The following SEMA3E variants were observed in gnomAD, a reference collection of about 807,000 sequenced individuals.
SEMA3E encodes the protein semaphorin 3E.
A neutral mutation model predicts 93.6 loss-of-function variants in SEMA3E; 49 were observed. The observed-to-expected ratio is 0.52, with a 90% confidence interval of 0.42 to 0.66. SEMA3E has a LOEUF of 0.66. Among genes scored for constraint, SEMA3E ranks in the 30% least tolerant of loss-of-function variants. The pLI, the probability that SEMA3E is intolerant of heterozygous loss-of-function variation, is 0.00. For missense variants in SEMA3E, 906 were observed against 964.8 expected, an observed-to-expected ratio of 0.94 and a Z score of 0.81; for synonymous variants, 363 against 330.7, an observed-to-expected ratio of 1.10 and a Z score of -1.06.
rs763045418 is a variant in SEMA3E at position 83,405,491 on chromosome 7, A to T, written c.957T>A (p.Asp319Glu). ...LEDVFLLPTRDHKNPVIFGLF... is the reference protein window; with the variant it reads ...LEDVFLLPTREHKNPVIFGLF... Reference sequence around the variant, plus strand: ...GTCCAAATATCACTGGATTCTTATGATCTCTGGTAGGTAGCAAAAAAACGT... The same window carrying T: ...GTCCAAATATCACTGGATTCTTATGTTCTCTGGTAGGTAGCAAAAAAACGT... Residue 319 changes from aspartate (D) to glutamate (E), a missense_variant, in exon 9 of 17, where the codon GAT becomes GAA. Coordinates refer to ENST00000643230, the MANE Select transcript of SEMA3E (RefSeq NM_012431.3). 12 of 1,613,048 alleles carry T rather than the reference A, an allele frequency of 7.4e-6. No homozygotes were observed. The East Asian group carries it at 2.7e-4, about 36-fold the overall frequency.
chr7:83,405,516 TC>T lies in SEMA3E; in HGVS notation c.931del (p.Asp311ThrfsTer14). ...ATCTCTGGTAGGTAGCAAAAAAACG[TC>T]CTCTGAAAAATTAAAGGCCATTCCA... ...GIDTYFDELEDVFLLPTRDHK... is the reference protein window; with the variant it reads ...GIDTYFDELEXVFLLPTRDHK... On this transcript the variant is annotated frameshift_variant and splice_region_variant, in exon 9 of 17. Transcript: ENST00000643230. LOFTEE classifies it high-confidence loss of function. The T allele has an allele frequency of 6.2e-7, 1 of 1,612,844 alleles. No homozygotes were observed. Among genetic ancestry groups the T allele is most frequent in the Non-Finnish European group, 8.5e-7 (1 of 1,179,202 alleles).
At chr7:83,384,371 G>C (rs1787839652) in intron 16 of SEMA3E, among the ~76,000 whole-genome samples, 1 of 151,992 alleles carries the variant, frequency 6.6e-6, no homozygotes, top group Non-Finnish European at 1.5e-5. Flanking sequence ...CCTCTTCTCT[G>C]TAATAGAGAC....
intron 1 of SEMA3E, among the ~76,000 whole-genome samples, chr7:83,598,137 A>G (rs1447848875): frequency 6.6e-6 from 1 of 152,140 alleles, no homozygotes; most frequent in Non-Finnish European, 1.5e-5. Flanking sequence ...GAGTTGTGGT[A>G]GTTGGCTCCA....
At chr7:83,577,904 T>C (rs1464897922) in intron 1 of SEMA3E, among the ~76,000 whole-genome samples, 1 of 152,130 alleles carries the variant, frequency 6.6e-6, no homozygotes, top group African/African-American at 2.4e-5. Flanking sequence ...AAAAATGTCT[T>C]CATTTACAAT....
At chr7:83,512,334 C>T (rs2115652903) in intron 1 of SEMA3E, among the ~76,000 whole-genome samples, 1 of 152,286 alleles carries the variant, frequency 6.6e-6, no homozygotes, top group East Asian at 1.9e-4. Context: ...AGCAACCCCA[C>T]GTAAGCTGTA....
intron 16 of SEMA3E, among the ~76,000 whole-genome samples, chr7:83,378,505 G>C (rs1010387397): frequency 2.8e-4 from 42 of 151,654 alleles, no homozygotes; most frequent in African/African-American, 9.9e-4. Flanking sequence ...TTTGTCATTC[G>C]AATATTTTGG....
At chr7:83,390,457 C>T (rs1787997110) in intron 14 of SEMA3E, among the ~76,000 whole-genome samples, 2 of 151,926 alleles carry the variant, frequency 1.3e-5, no homozygotes, top group African/African-American at 2.4e-5. Flanking sequence ...GCATTATAAA[C>T]CATAGTGTAT....
At chr7:83,400,542 C>T (rs1441333203) in intron 10 of SEMA3E, among the ~76,000 whole-genome samples, 4 of 152,128 alleles carry the variant, frequency 2.6e-5, no homozygotes, top group East Asian at 1.9e-4. Flanking sequence ...TCCCTCCTCC[C>T]ACCCTCTGAC....
intron 1 of SEMA3E, among the ~76,000 whole-genome samples, chr7:83,556,202 G>T (rs908684000): frequency 6.6e-6 from 1 of 152,096 alleles, no homozygotes; most frequent in Non-Finnish European, 1.5e-5. Context: ...TCCCTCCACT[G>T]CCTGCACTTA....
chr7:83,552,046 C>T (rs1351229022), intron 1 of SEMA3E, among the ~76,000 whole-genome samples: 2 of 152,116 alleles, frequency 1.3e-5, no homozygotes, highest in East Asian at 3.9e-4. Context: ...ATACCATGCA[C>T]TTTTAATGCC....
chr7:83,506,077 T>C (rs1790700520), intron 1 of SEMA3E, among the ~76,000 whole-genome samples: 1 of 149,062 alleles, frequency 6.7e-6, no homozygotes, highest in Non-Finnish European at 1.5e-5. Flanking sequence ...TGTGAAGCTG[T>C]CAGAAAAAAA....
At chr7:83,450,325 A>G (rs1218004388) in intron 4 of SEMA3E, among the ~76,000 whole-genome samples, 2 of 152,238 alleles carry the variant, frequency 1.3e-5, no homozygotes, top group Non-Finnish European at 2.9e-5. Context: ...AAGAATGCTC[A>G]TAGCAGCACA....
At chr7:83,547,536 A>T (rs990934234) in intron 1 of SEMA3E, among the ~76,000 whole-genome samples, 6 of 152,146 alleles carry the variant, frequency 3.9e-5, no homozygotes, top group African/African-American at 1.4e-4. Context: ...TAAATAAGGA[A>T]GGTAACTCGT....
At chr7:83,645,656 A>C (rs554749426) in intron 1 of SEMA3E, among the ~76,000 whole-genome samples, 1 of 151,796 alleles carries the variant, frequency 6.6e-6, no homozygotes, top group Non-Finnish European at 1.5e-5. Context: ...ATTGGGGCAC[A>C]AGGCAGTAGG....
chr7:83,418,025 A>G (rs187522810), intron 5 of SEMA3E, among the ~76,000 whole-genome samples: 334 of 152,328 alleles, frequency 2.2e-3, no homozygotes, highest in African/African-American at 7.3e-3. Flanking sequence ...AAGTCACAAA[A>G]TAATTGAAAC....
At chr7:83,426,460 T>A (rs1788770962) in intron 4 of SEMA3E, among the ~76,000 whole-genome samples, 1 of 152,142 alleles carries the variant, frequency 6.6e-6, no homozygotes, top group Admixed American at 6.5e-5. Context: ...CTAAGCAAAT[T>A]AATGTAAGAA....
rs1366526122 is a variant in SEMA3E at position 83,366,686 on chromosome 7, C to A, written c.*900G>T. ...ACAAGGATTAACATGTTTTTTATTT[C>A]AGTTATTTGTTTCTGCAAATGAACT... On this transcript the variant is annotated 3_prime_UTR_variant, in exon 17 of 17. Coordinates refer to ENST00000643230, the MANE Select transcript of SEMA3E (RefSeq NM_012431.3). 1 of 151,994 alleles carries A rather than the reference C, an allele frequency of 6.6e-6. No individual in the cohort carries two copies. The highest frequency in any genetic ancestry group is 6.6e-5 in the Admixed American group (1 of 15,256). The allele number at this position is 151,994 out of a possible 1,614,324, so 9.4% of individuals were successfully genotyped here.
At chr7:83,620,954 T>C (rs1029086712) in intron 1 of SEMA3E, among the ~76,000 whole-genome samples, 14 of 152,142 alleles carry the variant, frequency 9.2e-5, no homozygotes, top group African/African-American at 3.4e-4. Context: ...ATGCCTTCTC[T>C]CACCACTCTT....
chr7:83,482,714 G>A (rs73376730), intron 2 of SEMA3E, among the ~76,000 whole-genome samples: 4,044 of 152,056 alleles, frequency 0.027, 181 homozygotes, highest in African/African-American at 0.093. Flanking sequence ...CCTACTCTTA[G>A]GGACCCATCT....
Sources: gnomAD v4.1 joint callset for allele counts (sites outside exome capture counted in the v4.1 genomes callset) on GRCh38, gnomAD v4.1.1 for gene constraint, MANE v1.5 for transcripts, NCBI Gene and HGNC (gene_info 2026-07-23, HGNC 2026-07-21) for gene names.